PRUNE2: variants seen among roughly 807,000 people sequenced by gnomAD.
PRUNE2 encodes the protein prune homolog 2 with BCH domain, also known as protein prune homolog 2.
Under a neutral mutation model 252.0 loss-of-function variants are expected in PRUNE2, and 164 were observed. That is an observed-to-expected ratio of 0.65 (90% CI 0.57 to 0.74). The LOEUF (loss-of-function observed/expected upper bound fraction) is 0.74. Among genes scored for constraint, PRUNE2 ranks in the 30% least tolerant of loss-of-function variants. The pLI, the probability that PRUNE2 is intolerant of heterozygous loss-of-function variation, is 0.00. For synonymous variants in PRUNE2, 1,292 were observed against 1,350.2 expected, an observed-to-expected ratio of 0.96 and a Z score of 0.94; for missense variants, 3,495 against 3,711.0, an observed-to-expected ratio of 0.94 and a Z score of 1.51.
intron 6 of PRUNE2, among the ~76,000 whole-genome samples, chr9:76,735,193 G>T (rs1442684661): frequency 6.6e-6 from 1 of 152,142 alleles, no homozygotes; most frequent in African/African-American, 2.4e-5. Context: ...AGAGCAGTTT[G>T]TTGTTTTCCT....
At chr9:76,678,685 C>CGGGCG (rs1227418727) in intron 9 of PRUNE2, among the ~76,000 whole-genome samples, 2 of 151,976 alleles carry the variant, frequency 1.3e-5, no homozygotes, top group Non-Finnish European at 2.9e-5. Flanking sequence ...AAAAATTAGC[C>CGGGCG]GGGCGTGGTG....
chr9:76,828,934 T>G lies in PRUNE2; in HGVS notation c.509-2202A>C, dbSNP rs553466550. Among the ~76,000 whole-genome samples, 4 of 150,078 alleles carry G rather than the reference T, an allele frequency of 2.7e-5. 2 individuals carry two copies. Among genetic ancestry groups the G allele is most frequent in the South Asian group, 4.2e-4 (2 of 4,724 alleles). The stretch of plus-strand genomic sequence containing the variant: ...CGGGAGGCTGAGGCGGGAGAATTGC[T>G]TGAATCTGGGAGGCGGAGGTTGCAG... On this transcript the variant is annotated intron_variant, in intron 4 of 18. Coordinates refer to ENST00000376718, the MANE Select transcript of PRUNE2 (RefSeq NM_015225.3).
At chr9:76,796,122 A>G (rs865934642) in intron 6 of PRUNE2, among the ~76,000 whole-genome samples, 2 of 152,246 alleles carry the variant, frequency 1.3e-5, no homozygotes, top group African/African-American at 4.8e-5. Context: ...TACAAAAGAT[A>G]TATGATCACT....
intron 11 of PRUNE2, among the ~76,000 whole-genome samples, chr9:76,647,696 G>A (rs931804061): frequency 6.6e-6 from 1 of 152,182 alleles, no homozygotes; most frequent in African/African-American, 2.4e-5. Context: ...CAGGTGCAGT[G>A]GCTCACGCCT....
intron 9 of PRUNE2, among the ~76,000 whole-genome samples, chr9:76,682,222 A>C (rs900187057): frequency 2.6e-5 from 4 of 151,910 alleles, no homozygotes; most frequent in African/African-American, 9.7e-5. Flanking sequence ...AACTTTTAAA[A>C]AGTCTTATTC....
intron 8 of PRUNE2, 117 bp downstream of exon 8, chr9:76,704,644 A>C (rs618145): frequency 0.78 from 572,265 of 729,092 alleles, 225,961 homozygotes; most frequent in East Asian, 0.96. Flanking sequence ...GCATGCCTTG[A>C]AAATGTAGTT....
intron 6 of PRUNE2, among the ~76,000 whole-genome samples, chr9:76,731,400 G>T (rs2048596678): frequency 1.3e-5 from 2 of 149,308 alleles, no homozygotes; most frequent in African/African-American, 4.9e-5. Context: ...TCAGCTCACT[G>T]CAGTCTTGAC....
intron 6 of PRUNE2, chr9:76,787,303 GTTA>G (rs756044527): frequency 2.0e-5 from 3 of 150,274 alleles, no homozygotes; most frequent in African/African-American, 4.9e-5. Context: ...ATATTACGTT[GTTA>G]TTATTTTGTT....
At chr9:76,693,408 G>A (rs1381259043) in intron 9 of PRUNE2, among the ~76,000 whole-genome samples, 1 of 149,060 alleles carries the variant, frequency 6.7e-6, no homozygotes, top group Admixed American at 6.7e-5. Context: ...TGACCACCAG[G>A]GTAGGTGCTT....
chr9:76,776,314 G>A (rs922109302), intron 6 of PRUNE2, among the ~76,000 whole-genome samples: 12 of 151,624 alleles, frequency 7.9e-5, no homozygotes, highest in African/African-American at 2.4e-4. Flanking sequence ...TGGACTCTCC[G>A]ATGTTATTAT....
At chr9:76,870,331 G>A (rs1486509803) in intron 1 of PRUNE2, among the ~76,000 whole-genome samples, 11 of 150,020 alleles carry the variant, frequency 7.3e-5, no homozygotes, top group East Asian at 5.8e-4. Flanking sequence ...AATTTAATTC[G>A]CTGATAATTT....
At chr9:76,751,415 C>G (rs1419230035) in intron 6 of PRUNE2, among the ~76,000 whole-genome samples, 1 of 152,190 alleles carries the variant, frequency 6.6e-6, no homozygotes, top group African/African-American at 2.4e-5. Flanking sequence ...AATGCCAGCA[C>G]AGATATTATT....
intron 1 of PRUNE2, among the ~76,000 whole-genome samples, chr9:76,871,076 C>T (rs2061169848): frequency 6.6e-6 from 1 of 152,172 alleles, no homozygotes; most frequent in Non-Finnish European, 1.5e-5. Flanking sequence ...AAATTTGGTC[C>T]ATATAGACTG....
intron 6 of PRUNE2, among the ~76,000 whole-genome samples, chr9:76,807,325 G>A (rs1003569721): frequency 2.0e-5 from 3 of 151,770 alleles, no homozygotes; most frequent in African/African-American, 4.8e-5. Context: ...CTTCCACCTC[G>A]GACTCCCAAA....
intron 4 of PRUNE2, among the ~76,000 whole-genome samples, chr9:76,827,270 C>G (rs758001270): frequency 1.3e-5 from 2 of 152,176 alleles, no homozygotes; most frequent in Non-Finnish European, 2.9e-5. Flanking sequence ...TTTCTGATCT[C>G]CCAAGCATCA....
intron 1 of PRUNE2, among the ~76,000 whole-genome samples, chr9:76,881,620 C>CTT (rs528980648): frequency 0.011 from 1,572 of 142,226 alleles, 27 homozygotes; most frequent in African/African-American, 0.038. Context: ...CTGGACATTT[C>CTT]TTTTTTTTTT....
Position 76,706,735 on chromosome 9 carries a change from C to T in PRUNE2, c.5539G>A (p.Glu1847Lys), listed in dbSNP as rs1235737351. ...GRLIESPFER[E>K]LSDSSGVLEI... ...AACACACCACTGGAGTCAGACAGCT[C>T]CCTTTCAAATGGACTTTCAATTAGT... Residue 1847 changes from glutamate to lysine, a missense_variant, in exon 8 of 19, where the codon GAG becomes AAG. Physicochemically the swap from Glu to Lys is moderately conservative, Grantham distance 56 (BLOSUM62 1). Transcript: ENST00000376718. 1 of 1,612,718 alleles carries T rather than the reference C, an allele frequency of 6.2e-7. No individual in the cohort carries two copies. Among genetic ancestry groups the T allele is most frequent in the Non-Finnish European group, 8.5e-7 (1 of 1,179,394 alleles).
intron 6 of PRUNE2, among the ~76,000 whole-genome samples, chr9:76,764,259 AATAAG>A (rs1174217977): frequency 6.6e-5 from 10 of 152,196 alleles, no homozygotes; most frequent in African/African-American, 1.9e-4. Context: ...TAAATAAATA[AATAAG>A]ATAATTTTTA....
In PRUNE2 at chr9:76,672,144, T is replaced by C. The variant is rs1267103563; in HGVS notation, c.8277-16642A>G. ...AGAGTCAAGACCCATCAGTGTGCTG[T>C]ATTCAGGAAACCCATCTCACGTGCA... On this transcript the variant is annotated intron_variant, in intron 9 of 18. Coordinates refer to ENST00000376718, the MANE Select transcript of PRUNE2 (RefSeq NM_015225.3). 3.8e-4 allele frequency among the ~76,000 whole-genome samples: 57 copies of C among 151,672 alleles called. No individual in the cohort carries two copies. In the East Asian group the frequency reaches 7.4e-3, roughly 20 times the overall value.
Sources: allele counts gnomAD v4.1 joint callset (sites outside exome capture counted in the v4.1 genomes callset), GRCh38; gene constraint gnomAD v4.1.1; transcripts MANE v1.5; gene names NCBI Gene and HGNC (gene_info 2026-07-23, HGNC 2026-07-21).